Variants in AVEN observed in about 807,000 individuals in gnomAD.
AVEN encodes cell death regulator Aven.
A neutral mutation model predicts 38.1 loss-of-function variants in AVEN; 41 were observed. That is an observed-to-expected ratio of 1.08 (90% CI 0.84 to 1.40). The LOEUF is 1.40. Among genes scored for constraint, AVEN ranks in the 40% most tolerant of loss-of-function variants. The pLI, the probability that AVEN is intolerant of heterozygous loss-of-function variation, is 0.00. For synonymous variants in AVEN, 206 were observed against 171.8 expected, an observed-to-expected ratio of 1.20 and a Z score of -1.56; for missense variants, 605 against 438.8, an observed-to-expected ratio of 1.38 and a Z score of -3.38.
At chr15:33,866,975 C>CTATT (rs1302012361) in intron 5 of AVEN, among the ~76,000 whole-genome samples, 4 of 151,968 alleles carry the variant, frequency 2.6e-5, no homozygotes, top group Non-Finnish European at 5.9e-5. Flanking sequence ...TTCCTTTTTA[C>CTATT]TATTATTATT....
At chr15:34,048,798 C>A (rs1435395331) in intron 5 of AVEN, among the ~76,000 whole-genome samples, 1 of 152,106 alleles carries the variant, frequency 6.6e-6, no homozygotes, top group Non-Finnish European at 1.5e-5. Context: ...GGGCCAGCAA[C>A]AGGTCAGTAT....
At chr15:33,950,451 T>A (rs1408960262) in intron 2 of AVEN, among the ~76,000 whole-genome samples, 1 of 152,222 alleles carries the variant, frequency 6.6e-6, no homozygotes, top group African/African-American at 2.4e-5. Context: ...TTGTACACCT[T>A]AAATAGATAC....
intron 2 of AVEN, among the ~76,000 whole-genome samples, chr15:33,879,094 C>T (rs975656445): frequency 6.6e-6 from 1 of 151,914 alleles, no homozygotes; most frequent in African/African-American, 2.4e-5. Context: ...TATAAAGACA[C>T]ATGCACACGT....
At chr15:33,898,128 G>T (rs556873657) in intron 2 of AVEN, among the ~76,000 whole-genome samples, 2 of 151,742 alleles carry the variant, frequency 1.3e-5, no homozygotes, top group East Asian at 2.0e-4. Context: ...GGCAAAGCTT[G>T]CAGTGAGCCG....
chr15:33,854,557 G>A (rs2079443365), downstream of AVEN: 5 of 1,089,310 alleles, frequency 4.6e-6, no homozygotes, highest in Non-Finnish European at 6.6e-6. Flanking sequence ...GCTTATCAAA[G>A]ACCAAGAGCC....
intron 1 of AVEN, among the ~76,000 whole-genome samples, chr15:34,030,537 A>G (rs150598493): frequency 4.5e-4 from 69 of 152,112 alleles, no homozygotes; most frequent in South Asian, 8.3e-4. Context: ...TAGTAGAGAC[A>G]GGGTTTCATT....
chr15:34,018,852 G>C (rs938631327), intron 1 of AVEN, among the ~76,000 whole-genome samples: 1 of 128,550 alleles, frequency 7.8e-6, no homozygotes, highest in South Asian at 2.5e-4. Context: ...CATTTTTACA[G>C]AGTGCTGATC....
intron 3 of AVEN, among the ~76,000 whole-genome samples, chr15:33,872,301 T>C (rs1164132006): frequency 6.6e-6 from 1 of 151,822 alleles, no homozygotes; most frequent in East Asian, 1.9e-4. Flanking sequence ...AGACTCTGAG[T>C]GTCCAGTATC....
At chr15:33,859,218 C>G (rs1371375536) in intron 11 of AVEN, 1 of 200,638 alleles carries the variant, frequency 5.0e-6, no homozygotes, top group African/African-American at 2.3e-5. Flanking sequence ...CAGTTTATAG[C>G]ACAGCCTGAA....
At chr15:34,069,414 G>A (rs1292812157) in intron 2 of AVEN, among the ~76,000 whole-genome samples, 1 of 152,034 alleles carries the variant, frequency 6.6e-6, no homozygotes, top group African/African-American at 2.4e-5. Flanking sequence ...ATCGTGCCAC[G>A]GCACTCCAGC....
chr15:33,914,730 C>T (rs1466947125), intron 2 of AVEN, among the ~76,000 whole-genome samples: 4 of 151,118 alleles, frequency 2.6e-5, no homozygotes, highest in African/African-American at 4.9e-5. Flanking sequence ...TGGGGATGGA[C>T]GAGAACTAGA....
chr15:33,857,267 C>A (rs1298820566), downstream of AVEN, among the ~76,000 whole-genome samples: 1 of 138,496 alleles, frequency 7.2e-6, no homozygotes, highest in Admixed American at 7.3e-5. Flanking sequence ...CACCTGGTCT[C>A]CTCAGGGGCC....
intron 2 of AVEN, among the ~76,000 whole-genome samples, chr15:33,947,428 T>C (rs1323321171): frequency 6.6e-6 from 1 of 151,946 alleles, no homozygotes; most frequent in East Asian, 1.9e-4. Flanking sequence ...ATAAGCAAAA[T>C]AGAAACATCT....
intron 1 of AVEN, among the ~76,000 whole-genome samples, chr15:34,016,270 T>TTA (rs939516785): frequency 1.3e-5 from 2 of 152,010 alleles, no homozygotes; most frequent in African/African-American, 4.8e-5. Context: ...GGAAAGCAAC[T>TTA]TATCTCTCCT....
chr15:33,899,594 G>C (rs376714678), intron 2 of AVEN, among the ~76,000 whole-genome samples: 1 of 148,712 alleles, frequency 6.7e-6, no homozygotes. Flanking sequence ...TCAGCCTCCC[G>C]AGTAGCTGGA....
chr15:33,947,306 G>C (rs1374418849), intron 2 of AVEN, among the ~76,000 whole-genome samples: 1 of 152,188 alleles, frequency 6.6e-6, no homozygotes, highest in Non-Finnish European at 1.5e-5. Context: ...ATGAGGAAGA[G>C]AAAAGCCAAA....
chr15:34,005,605 A>AG (rs2140638595), intron 1 of AVEN, among the ~76,000 whole-genome samples: 1 of 152,344 alleles, frequency 6.6e-6, no homozygotes, highest in South Asian at 2.1e-4. Context: ...GATGGACCAC[A>AG]GGGTTTGGAT....
intron 2 of AVEN, among the ~76,000 whole-genome samples, chr15:33,921,875 T>C (rs926137372): frequency 1.3e-5 from 2 of 152,044 alleles, no homozygotes; most frequent in Non-Finnish European, 2.9e-5. Context: ...GAGGGAGAGA[T>C]TGGGAAAAAA....
intron 2 of AVEN, among the ~76,000 whole-genome samples, chr15:33,950,433 T>C (rs775901968): frequency 6.6e-6 from 1 of 152,208 alleles, no homozygotes; most frequent in African/African-American, 2.4e-5. Context: ...AAATATCAAA[T>C]CATTACATTG....
Sources: gnomAD v4.1 joint callset for allele counts (sites outside exome capture counted in the v4.1 genomes callset) on GRCh38, gnomAD v4.1.1 for gene constraint, MANE v1.5 for transcripts, NCBI Gene and HGNC (gene_info 2026-07-23, HGNC 2026-07-21) for gene names.